The following DGKH variants were observed in gnomAD, a reference collection of about 807,000 sequenced individuals.
DGKH encodes the protein diacylglycerol kinase eta.
In DGKH, 90 loss-of-function variants were observed where a neutral mutation model predicts 159.3. The ratio of observed to expected loss-of-function variants is 0.57; its 90% confidence interval spans 0.48 to 0.67. The LOEUF is 0.67. DGKH is among the 30% of genes least tolerant of loss of function. DGKH has a pLI of 0.00. For missense variants in DGKH, 1,181 were observed against 1,506.1 expected, an observed-to-expected ratio of 0.78 and a Z score of 3.57; for synonymous variants, 536 against 553.8, an observed-to-expected ratio of 0.97 and a Z score of 0.45.
intron 1 of DGKH, among the ~76,000 whole-genome samples, chr13:42,116,491 A>G (rs960072683): frequency 6.6e-6 from 1 of 152,224 alleles, no homozygotes; most frequent in Admixed American, 6.5e-5. Context: ...CATCTGTAAA[A>G]GACATGCATC....
intron 1 of DGKH, among the ~76,000 whole-genome samples, chr13:42,088,277 T>G (rs78701679): frequency 7.2e-5 from 11 of 152,164 alleles, no homozygotes; most frequent in African/African-American, 2.7e-4. Context: ...AAGGAAGCTA[T>G]CTAGGCCAAA....
intron 11 of DGKH, among the ~76,000 whole-genome samples, chr13:42,170,398 GTGAGACCC>G (rs1333046869): frequency 1.3e-5 from 2 of 152,130 alleles, no homozygotes; most frequent in African/African-American, 4.8e-5. Context: ...GGGCGACAGA[GTGAGACCC>G]TGTCTCAAAA....
At chr13:42,078,853 A>G (rs1266686313) in intron 1 of DGKH, among the ~76,000 whole-genome samples, 1 of 151,918 alleles carries the variant, frequency 6.6e-6, no homozygotes, top group Non-Finnish European at 1.5e-5. Context: ...TAACATACTG[A>G]CAGAATGACT....
chr13:42,219,667 T>C lies in DGKH; in HGVS notation c.3334-19T>C. 1 of 1,603,134 alleles carries C rather than the reference T, an allele frequency of 6.2e-7. No homozygotes were observed. Among genetic ancestry groups the C allele is most frequent in the African/African-American group, 1.3e-5 (1 of 74,250 alleles). ...TTTTCATATCCTGAAAAAATTATTT[T>C]CTTGCTCGATTTGAACAGGAACCTC... On this transcript the variant is annotated intron_variant, in intron 27 of 29. Transcript: ENST00000337343.
chr13:42,056,820 C>T (rs957009163), intron 1 of DGKH, among the ~76,000 whole-genome samples: 5 of 152,188 alleles, frequency 3.3e-5, no homozygotes, highest in Non-Finnish European at 5.9e-5. Context: ...TCCTTCCCTT[C>T]GCTCTTTTCT....
chr13:42,100,561 G>A (rs186329756), intron 1 of DGKH, among the ~76,000 whole-genome samples: 1 of 152,172 alleles, frequency 6.6e-6, no homozygotes, highest in East Asian at 1.9e-4. Flanking sequence ...GTGCCGCCAT[G>A]GTAGCTCATG....
At chr13:42,219,408 A>G in intron 27 of DGKH, 59 bp downstream of exon 27, 2 of 1,576,254 alleles carry the variant, frequency 1.3e-6, no homozygotes, top group Non-Finnish European at 8.6e-7. Flanking sequence ...TAGAATTTGA[A>G]CTCATCTTTG....
At chr13:42,044,793 A>G (rs957742313), upstream of DGKH, among the ~76,000 whole-genome samples, 3 of 152,238 alleles carry the variant, frequency 2.0e-5, no homozygotes, top group African/African-American at 4.8e-5. Context: ...TTGAAATGCA[A>G]TCAAATTTCA....
chr13:42,103,399 A>G (rs1433345634), intron 1 of DGKH, among the ~76,000 whole-genome samples: 1 of 152,106 alleles, frequency 6.6e-6, no homozygotes, highest in Non-Finnish European at 1.5e-5. Flanking sequence ...CTCTTGTTGT[A>G]TTTTATTTGT....
rs185964644 is a variant in DGKH at position 42,099,736 on chromosome 13, G to C, written c.193-27727G>C. ...TGAAAAGCATAAGTATGATAAATAA[G>C]ATGACTGAGTAGCGCGTGTGAAGGT... On this transcript the variant is annotated intron_variant, in intron 1 of 29. Coordinates refer to ENST00000337343, the MANE Select transcript of DGKH (RefSeq NM_178009.5). Among the ~76,000 whole-genome samples, 647 of 152,306 alleles carry C rather than the reference G, an allele frequency of 4.2e-3. 2 individuals are homozygous for C. The highest frequency in any genetic ancestry group is 0.011 in the South Asian group (54 of 4,828).
At chr13:42,133,639 T>G (rs1955337820) in intron 3 of DGKH, among the ~76,000 whole-genome samples, 1 of 152,156 alleles carries the variant, frequency 6.6e-6, no homozygotes, top group Non-Finnish European at 1.5e-5. Context: ...GAGGTTGCAG[T>G]GAGCTATGAT....
intron 1 of DGKH, among the ~76,000 whole-genome samples, chr13:42,126,920 C>G (rs530450952): frequency 1.3e-5 from 2 of 152,328 alleles, no homozygotes; most frequent in African/African-American, 4.8e-5. Flanking sequence ...CTTTAATGAG[C>G]ACATACTATA....
intron 1 of DGKH, among the ~76,000 whole-genome samples, chr13:42,108,714 T>C (rs1438561951): frequency 6.6e-6 from 1 of 152,146 alleles, no homozygotes; most frequent in Non-Finnish European, 1.5e-5. Context: ...GTTATGTATA[T>C]ATTTAGAGGA....
chr13:42,189,031 C>T lies in DGKH; in HGVS notation c.1639-5C>T. On this transcript the variant is annotated splice_polypyrimidine_tract_variant and splice_region_variant and intron_variant, in intron 14 of 29. Coordinates refer to ENST00000337343, the MANE Select transcript of DGKH (RefSeq NM_178009.5). ...ATTTTTCTCATTGCCATATTTTCCT[C>T]TCAGTGTTCAGTCCTAAACGAGAAG... 1 of 1,609,130 alleles carries T rather than the reference C, an allele frequency of 6.2e-7. No homozygotes were observed. The highest frequency in any genetic ancestry group is 1.1e-5 in the South Asian group (1 of 90,790).
At chr13:42,107,622 C>T (rs966966028) in intron 1 of DGKH, among the ~76,000 whole-genome samples, 1 of 152,058 alleles carries the variant, frequency 6.6e-6, no homozygotes, top group East Asian at 1.9e-4. Context: ...TGTTTCTGTC[C>T]ATGTGATTGT....
At chr13:42,158,893 G>A (rs9533020) in intron 5 of DGKH, among the ~76,000 whole-genome samples, 53,681 of 151,852 alleles carry the variant, frequency 0.35, 9,987 homozygotes, top group Non-Finnish European at 0.42. Flanking sequence ...CGTATAATCA[G>A]CACCTACATT....
intron 13 of DGKH, among the ~76,000 whole-genome samples, chr13:42,180,930 C>T (rs188676202): frequency 6.6e-6 from 1 of 152,234 alleles, no homozygotes; most frequent in East Asian, 1.9e-4. Context: ...GGAGGCCACA[C>T]ATTTACCCAG....
intron 1 of DGKH, among the ~76,000 whole-genome samples, chr13:42,101,244 G>A (rs1171938926): frequency 1.3e-5 from 2 of 152,110 alleles, no homozygotes; most frequent in South Asian, 4.1e-4. Context: ...TACATTCTGC[G>A]TATCCTTTAA....
At chr13:42,040,885 G>C (rs1159212757) in intron 1 of DGKH, among the ~76,000 whole-genome samples, 2 of 147,848 alleles carry the variant, frequency 1.4e-5, no homozygotes, top group Non-Finnish European at 3.0e-5. Flanking sequence ...CTGGCGCGAT[G>C]GAGCCTCAGC....
Sources: gnomAD v4.1 joint callset for allele counts (sites outside exome capture counted in the v4.1 genomes callset) on GRCh38, gnomAD v4.1.1 for gene constraint, MANE v1.5 for transcripts, NCBI Gene and HGNC (gene_info 2026-07-23, HGNC 2026-07-21) for gene names.